Variants in ZCCHC8 observed in about 807,000 individuals in gnomAD.
ZCCHC8 encodes zinc finger CCHC domain-containing protein 8.
In ZCCHC8, 27 loss-of-function variants were observed where a neutral mutation model predicts 70.6. The observed-to-expected ratio is 0.38, with a 90% CI of 0.28 to 0.53. The LOEUF (loss-of-function observed/expected upper bound fraction) is 0.53, where lower values mean the gene tolerates loss of function less well. ZCCHC8 is among the 20% of genes least tolerant of loss of function. The probability of loss-of-function intolerance (pLI) is 0.81; values close to 1 mark genes in which losing one functional copy is unlikely to be tolerated. For synonymous variants in ZCCHC8, 293 were observed against 317.4 expected (o/e 0.92, Z 0.82); for missense variants, 737 against 876.9 (o/e 0.84, Z 2.01).
chr12:122,480,195 G>A lies in ZCCHC8; in HGVS notation c.1135C>T (p.Pro379Ser). The A allele has an allele frequency of 6.3e-7, 1 of 1,577,476 alleles. No individual in the cohort carries two copies. Residue 379 changes from proline (P) to serine (S), a missense_variant, in exon 11 of 14, where the codon CCA becomes TCA. Transcript: ENST00000633063. ...AAAAAAATCAATATACTTACGTCTGGAATTCCTCTGGGAGTAGATATATTA... is the reference window on the plus strand; with the variant it reads ...AAAAAAATCAATATACTTACGTCTGAAATTCCTCTGGGAGTAGATATATTA... The part of the protein sequence containing the change: ...GFNISTPRGI[P>S]DEWRIFGSIP...
At chr12:122,477,160 CT>C (rs569339886) in intron 13 of ZCCHC8, among the ~76,000 whole-genome samples, 117 of 143,098 alleles carry the variant, frequency 8.2e-4, no homozygotes, top group Admixed American at 9.8e-4. Flanking sequence ...AATTCATGAT[CT>C]TTTTTTTTTT....
In ZCCHC8 at chr12:122,473,673, G is replaced by T. The variant is rs1307606856; in HGVS notation, c.1948C>A (p.Pro650Thr). Reference protein sequence around the residue: ...SQKLFPADTSPSTATKIHSPI... With the variant: ...SQKLFPADTSTSTATKIHSPI... The stretch of plus-strand genomic sequence containing the variant: ...CTATGAATTTTAGTGGCCGTTGAAG[G>T]ACTGGTGTCTGCAGGAAAGAGCTTC... The change falls in exon 14 of 14, where the codon CCT becomes ACT. Residue 650 changes from proline (P) to threonine (T), a missense_variant. Coordinates refer to ENST00000633063, the MANE Select transcript of ZCCHC8 (RefSeq NM_017612.5). The T allele has an allele frequency of 1.2e-6, 2 of 1,613,852 alleles. No individual in the cohort carries two copies. Among genetic ancestry groups the T allele is most frequent in the Non-Finnish European group, 1.7e-6 (2 of 1,179,890 alleles).
intron 5 of ZCCHC8, among the ~76,000 whole-genome samples, chr12:122,486,693 C>T (rs1957649768): frequency 6.6e-6 from 1 of 152,016 alleles, no homozygotes; most frequent in Admixed American, 6.6e-5. Context: ...CCTCAGCCCC[C>T]TGAGTAGCTG....
chr12:122,487,598 G>A (rs1243740185), intron 5 of ZCCHC8, among the ~76,000 whole-genome samples: 4 of 151,870 alleles, frequency 2.6e-5, no homozygotes, highest in Non-Finnish European at 4.4e-5. Flanking sequence ...ATCTCTTATA[G>A]AAACTTGAAC....
chr12:122,477,746 C>A, intron 13 of ZCCHC8, 95 bp downstream of exon 13: 1 of 933,114 alleles, frequency 1.1e-6, no homozygotes, highest in Non-Finnish European at 1.7e-6. Context: ...GCCGAGATCA[C>A]GCCATTGTAC....
intron 1 of ZCCHC8, 121 bp from the exon 2 acceptor site, chr12:122,498,990 G>C (rs568970466): frequency 1.1e-6 from 1 of 924,500 alleles, no homozygotes; most frequent in Non-Finnish European, 1.7e-6. Context: ...CGGATATTTT[G>C]AGGATGACAC....
intron 2 of ZCCHC8, among the ~76,000 whole-genome samples, chr12:122,494,670 A>G (rs536838598): frequency 6.6e-6 from 1 of 152,302 alleles, no homozygotes; most frequent in South Asian, 2.1e-4. Flanking sequence ...CCTGGCTAAC[A>G]CGGTGAAACC....
At chr12:122,486,181 G>A (rs577568782) in intron 5 of ZCCHC8, among the ~76,000 whole-genome samples, 15 of 152,012 alleles carry the variant, frequency 9.9e-5, no homozygotes, top group African/African-American at 2.9e-4. Context: ...TTGGGAGGCC[G>A]CGGTGGGTGG....
rs1957367437 is a variant in ZCCHC8 at position 122,474,020 on chromosome 12, G to A, written c.1601C>T (p.Ala534Val). ...QRRIWAALEQ[A>V]ESVNSDSDVP... ...GTCGGAGTCGCTGTTTACGCTCTCG[G>A]CCTGCTCAAGAGCTGCCCAGATCCG... Residue 534 changes from alanine (A) to valine (V), a missense_variant, in exon 14 of 14, where the codon GCC (alanine) becomes GTC (valine). Physicochemically the swap from Ala to Val is moderately conservative, Grantham distance 64. Transcript: ENST00000633063. 1.3e-6 allele frequency: 2 copies of A among 1,552,564 alleles called. No individual in the cohort carries two copies. Among genetic ancestry groups the A allele is most frequent in the Non-Finnish European group, 1.7e-6 (2 of 1,152,196 alleles).
At chr12:122,490,077 A>T (rs948741720) in intron 4 of ZCCHC8, among the ~76,000 whole-genome samples, 1 of 152,154 alleles carries the variant, frequency 6.6e-6, no homozygotes, top group Non-Finnish European at 1.5e-5. Context: ...TTCACATAGT[A>T]AAACTTCTCA....
Position 122,498,830 on chromosome 12 carries a change from G to A in ZCCHC8, c.239C>T (p.Pro80Leu), listed in dbSNP as rs777924103. 6 of 1,613,060 alleles carry A rather than the reference G, an allele frequency of 3.7e-6. No homozygotes were observed. Among genetic ancestry groups the A allele is most frequent in the East Asian group, 2.2e-5 (1 of 44,788 alleles). Residue 80 changes from proline to leucine, a missense_variant, in exon 2 of 14, where the codon CCG becomes CTG. Pro to Leu is a moderately conservative substitution (Grantham distance 98). Transcript: ENST00000633063. ...AGTAATTTCAAAAATCTCATACCTC[G>A]GTCGAGTCAGAATGTTCAATTTTCG... ...LKRKLNILTR[P>L]SGILVNDTKL...
chr12:122,489,548 T>C, intron 4 of ZCCHC8, 85 bp from the exon 5 acceptor site: 4 of 1,218,810 alleles, frequency 3.3e-6, no homozygotes, highest in Non-Finnish European at 4.7e-6. Flanking sequence ...GAAATTAAGC[T>C]AAGAATGTTT....
chr12:122,498,819 TC>T lies in ZCCHC8; in HGVS notation c.242+7del. 1 of 1,612,932 alleles carries T rather than the reference TC, an allele frequency of 6.2e-7. No individual in the cohort carries two copies. The highest frequency in any genetic ancestry group is 8.5e-7 in the Non-Finnish European group (1 of 1,179,220). ...GACAACTATGGAGTAATTTCAAAAA[TC>T]TCATACCTCGGTCGAGTCAGAATGT... On this transcript the variant is annotated splice_region_variant and intron_variant, in intron 2 of 13. Transcript: ENST00000633063.
Position 122,477,934 on chromosome 12 carries a change from T to A in ZCCHC8, c.1252A>T (p.Arg418Trp), listed in dbSNP as rs1957452640. Reference sequence around the variant, plus strand: ...CCTGGGCTAGAGTGAGATGAAGACCTCTTGTTGCCAGACTTCACACCTGGC... The same window carrying A: ...CCTGGGCTAGAGTGAGATGAAGACCACTTGTTGCCAGACTTCACACCTGGC... ...QAPGVKSGNKRSSSHSSPGSP... is the reference protein window; with the variant it reads ...QAPGVKSGNKWSSSHSSPGSP... Residue 418 changes from arginine (R) to tryptophan (W), a missense_variant, in exon 13 of 14, where the codon AGG becomes TGG. Transcript: ENST00000633063. The A allele has an allele frequency of 6.2e-7, 1 of 1,613,798 alleles. No homozygotes were observed. Among genetic ancestry groups the A allele is most frequent in the Non-Finnish European group, 8.5e-7 (1 of 1,179,842 alleles).
chr12:122,493,803 C>T (rs539037688), intron 2 of ZCCHC8, among the ~76,000 whole-genome samples: 21 of 152,136 alleles, frequency 1.4e-4, no homozygotes, highest in African/African-American at 4.6e-4. Context: ...TTAATAGGGA[C>T]GGGGTTTCAC....
intron 2 of ZCCHC8, among the ~76,000 whole-genome samples, chr12:122,494,206 G>A (rs924351614): frequency 1.3e-5 from 2 of 152,012 alleles, no homozygotes; most frequent in Admixed American, 6.6e-5. Context: ...TTCTTTTCCT[G>A]TACAGCATGT....
intron 5 of ZCCHC8, among the ~76,000 whole-genome samples, chr12:122,489,154 T>G (rs78494940): frequency 0.05 from 7,599 of 152,282 alleles, 290 homozygotes; most frequent in South Asian, 0.11. Context: ...CAGTGGTTGG[T>G]CAATACAAAA....
At chr12:122,474,332 A>G in intron 13 of ZCCHC8, 57 bp from the exon 14 acceptor site, 1 of 1,325,772 alleles carries the variant, frequency 7.5e-7, no homozygotes, top group African/African-American at 1.5e-5. Context: ...TGGTTTTACT[A>G]AAATTTGTTA....
intron 5 of ZCCHC8, among the ~76,000 whole-genome samples, chr12:122,487,814 C>T (rs1398704023): frequency 6.6e-6 from 1 of 151,928 alleles, no homozygotes; most frequent in Non-Finnish European, 1.5e-5. Context: ...CCCAGTAGGC[C>T]CATATCTCTT....
Sources: gnomAD v4.1 joint callset for allele counts (sites outside exome capture counted in the v4.1 genomes callset) on GRCh38, gnomAD v4.1.1 for gene constraint, MANE v1.5 for transcripts, NCBI Gene and HGNC (gene_info 2026-07-23, HGNC 2026-07-21) for gene names.